Variants in MINAR2 observed in about 807,000 individuals in gnomAD.
The protein encoded by MINAR2 is membrane integral NOTCH2 associated receptor 2.
MINAR2 carries 21 observed loss-of-function variants against 16.1 expected under a neutral mutation model. The observed-to-expected ratio is 1.31, with a 90% CI of 0.93 to 1.88. The LOEUF (loss-of-function observed/expected upper bound fraction) is 1.88, where lower values mean the gene tolerates loss of function less well. Ranked by LOEUF, MINAR2 falls within the 40% of genes most tolerant of loss-of-function variation. The pLI is 0.00. For missense variants in MINAR2, 259 were observed against 229.8 expected (o/e 1.13, Z -0.82); for synonymous variants, 86 against 83.0 (o/e 1.04, Z -0.20).
chr5:129,761,786 T>A (rs1758138964), intron 2 of MINAR2, among the ~76,000 whole-genome samples: 1 of 152,190 alleles, frequency 6.6e-6, no homozygotes, highest in Non-Finnish European at 1.5e-5. Flanking sequence ...TTCCTTTTGC[T>A]GTTTACATGC....
chr5:129,760,796 C>G (rs1262398928), intron 2 of MINAR2, among the ~76,000 whole-genome samples, 191 bp downstream of exon 2: 1 of 152,062 alleles, frequency 6.6e-6, no homozygotes, highest in African/African-American at 2.4e-5. Context: ...TTGAGTTTTA[C>G]AGTTTCAACA....
intron 1 of MINAR2, among the ~76,000 whole-genome samples, chr5:129,756,495 T>C (rs1236192920): frequency 1.3e-5 from 2 of 152,114 alleles, no homozygotes; most frequent in Non-Finnish European, 2.9e-5. Flanking sequence ...TCCCTCCAAG[T>C]CCTGAAAGTC....
intron 2 of MINAR2, among the ~76,000 whole-genome samples, chr5:129,761,040 A>C (rs1329318692): frequency 1.3e-5 from 2 of 152,206 alleles, no homozygotes; most frequent in Admixed American, 1.3e-4. Context: ...CTCATCAAAG[A>C]TTATTTTATC....
intron 2 of MINAR2, among the ~76,000 whole-genome samples, chr5:129,761,357 A>G (rs1251648094): frequency 6.6e-6 from 1 of 152,158 alleles, no homozygotes; most frequent in Non-Finnish European, 1.5e-5. Flanking sequence ...CCATTTTCCA[A>G]GTATATACCC....
chr5:129,760,078 G>A (rs1291496691), intron 1 of MINAR2, among the ~76,000 whole-genome samples: 2 of 152,068 alleles, frequency 1.3e-5, no homozygotes, highest in Non-Finnish European at 2.9e-5. Flanking sequence ...GAGAAAAGTT[G>A]GCTTTGTTTG....
chr5:129,750,805 A>G (rs73787216), intron 1 of MINAR2, among the ~76,000 whole-genome samples: 2,430 of 152,252 alleles, frequency 0.016, 54 homozygotes, highest in African/African-American at 0.053. Flanking sequence ...GTGTGCACGC[A>G]TGCACGTGTG....
intron 1 of MINAR2, among the ~76,000 whole-genome samples, chr5:129,753,347 G>GGT (rs1357989221): frequency 5.3e-5 from 8 of 151,698 alleles, no homozygotes; most frequent in Non-Finnish European, 1.2e-4. Context: ...AGCCTCCCGT[G>GGT]GTGGCATGGC....
At chr5:129,763,733 T>A (rs1406483445) in intron 2 of MINAR2, among the ~76,000 whole-genome samples, 1 of 152,192 alleles carries the variant, frequency 6.6e-6, no homozygotes, top group Admixed American at 6.5e-5. Flanking sequence ...ACTAGGGTAA[T>A]GGGAGAATTA....
At chr5:129,749,211 G>A (rs1757955907) in intron 1 of MINAR2, among the ~76,000 whole-genome samples, 1 of 152,136 alleles carries the variant, frequency 6.6e-6, no homozygotes, top group Non-Finnish European at 1.5e-5. Flanking sequence ...AGATGTGACT[G>A]ACCTACAAAC....
At chr5:129,752,255 A>C (rs900524388) in intron 1 of MINAR2, among the ~76,000 whole-genome samples, 4 of 152,212 alleles carry the variant, frequency 2.6e-5, no homozygotes, top group Non-Finnish European at 5.9e-5. Context: ...TCATTCTACT[A>C]TAAAGACACA....
chr5:129,761,420 AT>A (rs1178514534), intron 2 of MINAR2, among the ~76,000 whole-genome samples: 1 of 151,674 alleles, frequency 6.6e-6, no homozygotes, highest in Non-Finnish European at 1.5e-5. Context: ...GCACTCGAGA[AT>A]TTTTTTCTTT....
chr5:129,757,165 A>G (rs1758066711), intron 1 of MINAR2, among the ~76,000 whole-genome samples: 1 of 151,776 alleles, frequency 6.6e-6, no homozygotes, highest in Non-Finnish European at 1.5e-5. Flanking sequence ...TCACAAAAAA[A>G]GAAAGTGAGC....
intron 1 of MINAR2, among the ~76,000 whole-genome samples, chr5:129,759,158 T>C (rs1235442915): frequency 2.0e-5 from 3 of 152,062 alleles, no homozygotes; most frequent in East Asian, 1.9e-4. Flanking sequence ...CACTAATAAA[T>C]GTTGACAGCA....
intron 2 of MINAR2, among the ~76,000 whole-genome samples, chr5:129,761,382 T>A (rs945207211): frequency 6.6e-6 from 1 of 152,146 alleles, no homozygotes; most frequent in African/African-American, 2.4e-5. Context: ...TTTAAAAATG[T>A]TTATCTAAGC....
intron 1 of MINAR2, among the ~76,000 whole-genome samples, chr5:129,749,916 C>A (rs564276142): frequency 2.0e-5 from 3 of 152,240 alleles, no homozygotes; most frequent in South Asian, 4.2e-4. Flanking sequence ...CAAAGAAAAA[C>A]CAAAGAGGTA....
At position 129,764,863 on chromosome 5, in the gene MINAR2, C is replaced by A. The variant is rs944467230; in HGVS notation, c.394-21C>A. The stretch of plus-strand genomic sequence containing the variant: ...TGACTGATTACTGATTAATCATATT[C>A]TCTATGTAATTTTCTTTTAGGAAAA... On this transcript the variant is annotated intron_variant, in intron 2 of 2. Transcript: ENST00000564719. 5.6e-6 allele frequency: 7 copies of A among 1,258,008 alleles called. No individual in the cohort carries two copies. In the South Asian group the frequency reaches 1.6e-4, roughly 29 times the overall value. 77.9% of individuals were successfully genotyped at this position (1,258,008 alleles called of 1,614,324 possible).
At chr5:129,755,523 T>TC (rs1758044002) in intron 1 of MINAR2, among the ~76,000 whole-genome samples, 1 of 62,796 alleles carries the variant, frequency 1.6e-5, no homozygotes, top group Admixed American at 1.4e-4. Flanking sequence ...ACAGGTTTGT[T>TC]AATTTTTTTT....
At chr5:129,751,709 T>C (rs10043229) in intron 1 of MINAR2, among the ~76,000 whole-genome samples, 143,549 of 152,282 alleles carry the variant, frequency 0.94, 67,762 homozygotes, top group East Asian at 1. Flanking sequence ...TATGTCAGTG[T>C]AATGAAGAAA....
intron 2 of MINAR2, among the ~76,000 whole-genome samples, chr5:129,761,710 C>T (rs1432716): frequency 0.011 from 1,729 of 152,152 alleles, 34 homozygotes; most frequent in African/African-American, 0.039. Flanking sequence ...AAAAGTCACC[C>T]CTACTATTAG....
Sources: gnomAD v4.1 joint callset for allele counts (sites outside exome capture counted in the v4.1 genomes callset) on GRCh38, gnomAD v4.1.1 for gene constraint, MANE v1.5 for transcripts, NCBI Gene and HGNC (gene_info 2026-07-23, HGNC 2026-07-21) for gene names.